Variants in CCDC3 observed in about 807,000 individuals in gnomAD.
CCDC3 encodes coiled-coil domain-containing protein 3.
In CCDC3, 24 loss-of-function variants were observed where a neutral mutation model predicts 21.4. The ratio of observed to expected loss-of-function variants is 1.12; its 90% CI spans 0.81 to 1.58. CCDC3 has a LOEUF of 1.58. CCDC3 is among the 40% of genes most tolerant of loss of function. CCDC3 has a pLI of 0.00. For missense variants in CCDC3, 425 were observed against 360.9 expected (o/e 1.18, Z -1.44); for synonymous variants, 186 against 166.0 (o/e 1.12, Z -0.93).
intron 2 of CCDC3, among the ~76,000 whole-genome samples, chr10:12,945,655 AG>A (rs1244979689): frequency 6.6e-6 from 1 of 152,162 alleles, no homozygotes; most frequent in Admixed American, 6.6e-5. Flanking sequence ...TTAATAAGAT[AG>A]GGTAAAAGGT....
At chr10:13,063,193 C>T (rs1434019324) in intron 4 of CCDC3, among the ~76,000 whole-genome samples, 3 of 127,988 alleles carry the variant, frequency 2.3e-5, no homozygotes, top group African/African-American at 9.0e-5. Flanking sequence ...TCCCACACAG[C>T]CGGCTCTGTG....
At chr10:13,064,192 G>C (rs1230793386) in intron 4 of CCDC3, among the ~76,000 whole-genome samples, 1 of 152,170 alleles carries the variant, frequency 6.6e-6, no homozygotes, top group African/African-American at 2.4e-5. Flanking sequence ...CGAAAGTGCA[G>C]GGATTACAGG....
chr10:13,014,551 T>G (rs1836027450), intron 5 of CCDC3, among the ~76,000 whole-genome samples: 1 of 151,920 alleles, frequency 6.6e-6, no homozygotes, highest in Non-Finnish European at 1.5e-5. Context: ...CCTTTTGCTC[T>G]AAGTGACTTC....
intron 3 of CCDC3, among the ~76,000 whole-genome samples, chr10:13,086,027 A>G (rs1378823922): frequency 1.3e-5 from 2 of 152,068 alleles, no homozygotes; most frequent in Non-Finnish European, 2.9e-5. Flanking sequence ...AGAAGTTTGG[A>G]TGAAAAGATA....
chr10:12,911,790 C>G (rs1404025182), intron 2 of CCDC3, among the ~76,000 whole-genome samples: 1 of 152,168 alleles, frequency 6.6e-6, no homozygotes, highest in African/African-American at 2.4e-5. Context: ...ATATTGTACC[C>G]TTTGAACAGC....
intron 5 of CCDC3, among the ~76,000 whole-genome samples, chr10:13,043,130 G>C (rs1836483764): frequency 6.6e-6 from 1 of 152,020 alleles, no homozygotes; most frequent in African/African-American, 2.4e-5. Context: ...GGGTATATTT[G>C]TGTGACACTG....
At chr10:13,069,196 G>C (rs535567536) in intron 4 of CCDC3, among the ~76,000 whole-genome samples, 17 of 152,118 alleles carry the variant, frequency 1.1e-4, no homozygotes, top group Admixed American at 9.8e-4. Context: ...CAGAGGTTGC[G>C]GTGAGCCGAG....
In CCDC3 at chr10:13,001,341, G is replaced by T. The variant is rs777621194; in HGVS notation, c.230C>A (p.Ala77Asp). 1.9e-6 allele frequency: 3 copies of T among 1,603,864 alleles called. No homozygotes were observed. ...HAGQGGLFYS[A>D]EVEMLCDQAW... The stretch of plus-strand genomic sequence containing the variant: ...CTGGTCGCACAGCATCTCGACCTCG[G>T]CCGAGTAGAAGAGGCCCCCCTGGCC... Residue 77 changes from alanine to aspartate, a missense_variant, in exon 1 of 3, where the codon GCC becomes GAC. Coordinates refer to ENST00000378825, the MANE Select transcript of CCDC3 (RefSeq NM_031455.4).
intron 2 of CCDC3, among the ~76,000 whole-genome samples, chr10:12,973,246 C>A (rs995981687): frequency 6.6e-6 from 1 of 152,030 alleles, no homozygotes; most frequent in African/African-American, 2.4e-5. Flanking sequence ...CTAAAGGATG[C>A]AAGAACACAA....
intron 5 of CCDC3, among the ~76,000 whole-genome samples, chr10:13,008,196 C>T (rs1232224843): frequency 6.6e-6 from 1 of 152,146 alleles, no homozygotes; most frequent in Non-Finnish European, 1.5e-5. Context: ...GGCATGCAGC[C>T]CAACATGGGT....
intron 5 of CCDC3, among the ~76,000 whole-genome samples, chr10:13,030,338 G>C (rs1042589013): frequency 1.4e-4 from 21 of 152,230 alleles, no homozygotes; most frequent in African/African-American, 5.1e-4. Context: ...GCTCCTGAAG[G>C]AAACACTAAA....
chr10:12,997,627 T>A (rs1835782780), intron 2 of CCDC3, among the ~76,000 whole-genome samples: 2 of 152,258 alleles, frequency 1.3e-5, no homozygotes, highest in Non-Finnish European at 2.9e-5. Context: ...CAATTTCATT[T>A]CATTTCCCTC....
chr10:12,903,127 G>A (rs1407366425), intron 2 of CCDC3, among the ~76,000 whole-genome samples: 6 of 152,176 alleles, frequency 3.9e-5, no homozygotes, highest in African/African-American at 1.4e-4. Context: ...CCATGACCCA[G>A]GACTGCTTAG....
At chr10:12,948,763 T>C (rs1389981519) in intron 2 of CCDC3, among the ~76,000 whole-genome samples, 3 of 133,502 alleles carry the variant, frequency 2.2e-5, no homozygotes, top group East Asian at 2.2e-4. Flanking sequence ...GACAGAGTCT[T>C]GCTCTTTTGC....
At chr10:13,034,043 G>A (rs532861076) in intron 5 of CCDC3, among the ~76,000 whole-genome samples, 18 of 152,190 alleles carry the variant, frequency 1.2e-4, no homozygotes, top group South Asian at 2.1e-4. Flanking sequence ...ACATGCACAC[G>A]TATGTTTATT....
chr10:12,929,789 A>T (rs1024360247), intron 2 of CCDC3, among the ~76,000 whole-genome samples: 7 of 152,184 alleles, frequency 4.6e-5, no homozygotes, highest in Admixed American at 4.6e-4. Flanking sequence ...GGGAGCTATG[A>T]TGGTAGTTTA....
chr10:13,048,308 C>T (rs1024843712), intron 5 of CCDC3, among the ~76,000 whole-genome samples: 5 of 152,126 alleles, frequency 3.3e-5, no homozygotes, highest in African/African-American at 7.2e-5. Context: ...TCTCCTGCCT[C>T]AGCCTCCCTA....
chr10:12,943,117 T>C (rs281848), intron 2 of CCDC3, among the ~76,000 whole-genome samples: 62,411 of 151,988 alleles, frequency 0.41, 12,930 homozygotes, highest in Admixed American at 0.47. Context: ...TAAGCGCTTA[T>C]ATAAATTAAG....
intron 2 of CCDC3, among the ~76,000 whole-genome samples, chr10:12,996,015 A>G (rs1001741386): frequency 6.6e-6 from 1 of 152,338 alleles, no homozygotes; most frequent in African/African-American, 2.4e-5. Flanking sequence ...ATCTCTTGAC[A>G]TAAATCTATT....
Sources: allele counts gnomAD v4.1 joint callset (sites outside exome capture counted in the v4.1 genomes callset), GRCh38; gene constraint gnomAD v4.1.1; transcripts MANE v1.5; gene names NCBI Gene and HGNC (gene_info 2026-07-23, HGNC 2026-07-21).